The following PIP5K1C variants were observed in gnomAD, a reference collection of about 807,000 sequenced individuals.
PIP5K1C encodes the protein phosphatidylinositol-4-phosphate 5-kinase type 1 gamma, also known as phosphatidylinositol 4-phosphate 5-kinase type-1 gamma.
In PIP5K1C, 45 loss-of-function variants were observed where a neutral mutation model predicts 80.1. The ratio of observed to expected loss-of-function variants is 0.56; its 90% CI spans 0.44 to 0.72. The LOEUF is 0.72. Ranked by LOEUF, PIP5K1C falls within the 30% of genes least tolerant of loss-of-function variation. The pLI, the probability that PIP5K1C is intolerant of heterozygous loss-of-function variation, is 0.00. For synonymous variants in PIP5K1C, 498 were observed against 420.1 expected (o/e 1.19, Z -2.27); for missense variants, 753 against 954.6 (o/e 0.79, Z 2.78).
Position 3,638,608 on chromosome 19 carries a change from C to T in PIP5K1C, c.1920+276G>A, listed in dbSNP as rs554215990. ...GTGGGCACAAGGCCGGGGAAGGGGA[C>T]AGGGGTGGCTCTGGGGCCTCAGAAA... is the stretch of plus-strand genomic sequence containing the variant. On this transcript the variant is annotated intron_variant, in intron 16 of 17. Coordinates refer to ENST00000335312, the MANE Select transcript of PIP5K1C (RefSeq NM_012398.3). Among the ~76,000 whole-genome samples, 5 of 152,302 alleles carry T rather than the reference C, an allele frequency of 3.3e-5. No individual in the cohort carries two copies. In the East Asian group the frequency reaches 9.7e-4, roughly 29 times the overall value.
chr19:3,700,086 T>C (rs561481149), intron 1 of PIP5K1C, among the ~76,000 whole-genome samples: 3 of 151,996 alleles, frequency 2.0e-5, no homozygotes, highest in East Asian at 3.9e-4. Context: ...CCGGGAGCGG[T>C]GGGAGGTAGC....
In PIP5K1C at chr19:3,641,791, G is replaced by A. The variant is rs148095258; in HGVS notation, c.1701C>T (p.Pro567=). Residue 567 remains proline (P), a synonymous_variant, in exon 15 of 18, where the codon CCC becomes CCT. Coordinates refer to ENST00000335312, the MANE Select transcript of PIP5K1C (RefSeq NM_012398.3). ...TAATCTGCTGCAGATCCTCTTCCGC[G>A]GGTGGCTCCTCCTGCGGCCTGCAGG... is the stretch of plus-strand genomic sequence containing the variant. The part of the protein sequence containing the change: ...GQDGRPQEEP[P]AEEDLQQITV... The A allele has an allele frequency of 8.7e-6, 14 of 1,611,682 alleles. No homozygotes were observed. Among genetic ancestry groups the A allele is most frequent in the African/African-American group, 8.0e-5 (6 of 74,898 alleles).
chr19:3,663,817 A>C (rs113949869), intron 3 of PIP5K1C, among the ~76,000 whole-genome samples: 12 of 152,296 alleles, frequency 7.9e-5, no homozygotes, highest in African/African-American at 2.9e-4. Context: ...ACAGTTTGCG[A>C]GTTTCTCAAA....
rs755561904 is a variant in PIP5K1C at position 3,688,668 on chromosome 19, C to T, written c.94+11629G>A. On this transcript the variant is annotated intron_variant, in intron 1 of 17. Transcript: ENST00000335312. This position sits in a 1 kb window ranked among gnomAD's most constrained non-coding sequence, Gnocchi z 5.3. ...TTCGTGTCCCTCAGGGCTAGAGACC[C>T]GGATGAGCCCCATGGAGAAACCCGT... is the stretch of plus-strand genomic sequence containing the variant. Among the ~76,000 whole-genome samples the T allele has an allele frequency of 6.6e-4, 101 of 152,206 alleles. No homozygotes were observed. The highest frequency in any genetic ancestry group is 3.4e-3 in the Middle Eastern group (1 of 294).
At position 3,653,455 on chromosome 19, in the gene PIP5K1C, G is replaced by A. The variant is rs1326102430; in HGVS notation, c.756C>T (p.Phe252=). 18 of 1,613,680 alleles carry A rather than the reference G, an allele frequency of 1.1e-5. No homozygotes were observed. The highest frequency in any genetic ancestry group is 8.3e-5 in the Admixed American group (5 of 60,012). Reference sequence around the variant, plus strand: ...GCTTGTAGGTGGAGCCCTTGAGGTCGAACTTGAGGTGCATCTTGACCACGC... The same window carrying A: ...GCTTGTAGGTGGAGCCCTTGAGGTCAAACTTGAGGTGCATCTTGACCACGC... ...LPRVVKMHLK[F]DLKGSTYKRR... The change falls in exon 7 of 18, where the codon TTC becomes TTT. Residue 252 remains phenylalanine, a synonymous_variant. Coordinates refer to ENST00000335312, the MANE Select transcript of PIP5K1C (RefSeq NM_012398.3).
intron 1 of PIP5K1C, among the ~76,000 whole-genome samples, chr19:3,691,676 C>G (rs1355320589): frequency 6.6e-6 from 1 of 152,242 alleles, no homozygotes; most frequent in Non-Finnish European, 1.5e-5. Context: ...CTCCTGCTCT[C>G]TTGGCCTCAC....
At chr19:3,643,174 T>C (rs2034049939) in intron 13 of PIP5K1C, 69 bp downstream of exon 13, 13 of 1,601,440 alleles carry the variant, frequency 8.1e-6, no homozygotes, top group East Asian at 6.7e-5. Context: ...CCCGCCCACA[T>C]GCAGTGAATG....
intron 1 of PIP5K1C, among the ~76,000 whole-genome samples, chr19:3,675,963 A>G (rs2035344099): frequency 1.3e-5 from 2 of 152,184 alleles, no homozygotes; most frequent in African/African-American, 4.8e-5. Flanking sequence ...CTTGGGTGAG[A>G]TGTTCAACAC....
intron 1 of PIP5K1C, chr19:3,672,733 C>G (rs938466707): frequency 6.6e-6 from 1 of 152,520 alleles, no homozygotes; most frequent in Non-Finnish European, 1.5e-5. Context: ...GAGGGCCCAG[C>G]GAGGCAAGCT....
chr19:3,638,334 C>A (rs1447938852), intron 16 of PIP5K1C, among the ~76,000 whole-genome samples: 1 of 152,160 alleles, frequency 6.6e-6, no homozygotes, highest in Non-Finnish European at 1.5e-5. Context: ...GTAGCAGCCA[C>A]GAGTCCCCAG....
chr19:3,668,928 C>T (rs547210953), intron 1 of PIP5K1C, among the ~76,000 whole-genome samples: 1 of 152,308 alleles, frequency 6.6e-6, no homozygotes, highest in African/African-American at 2.4e-5. Context: ...GCAGCGTCCT[C>T]CAGGCTCATG....
intron 1 of PIP5K1C, among the ~76,000 whole-genome samples, chr19:3,689,787 ACACT>A (rs779379310): frequency 5.3e-4 from 80 of 152,244 alleles, no homozygotes; most frequent in East Asian, 3.5e-3. Context: ...TAACACACAC[ACACT>A]AACTCACATG....
chr19:3,678,956 G>A (rs1198165975), intron 1 of PIP5K1C, among the ~76,000 whole-genome samples: 1 of 137,112 alleles, frequency 7.3e-6, no homozygotes, highest in Non-Finnish European at 1.6e-5. Context: ...AGAATGGAGG[G>A]ATGGAGGATG....
chr19:3,641,311 G>A (rs907086435), intron 15 of PIP5K1C, among the ~76,000 whole-genome samples: 1 of 152,182 alleles, frequency 6.6e-6, no homozygotes, highest in African/African-American at 2.4e-5. Flanking sequence ...GAAGTTCAGA[G>A]ATGCTCTTAC....
At chr19:3,699,343 G>A (rs1179975918) in intron 1 of PIP5K1C, among the ~76,000 whole-genome samples, 1 of 138,234 alleles carries the variant, frequency 7.2e-6, no homozygotes, top group Non-Finnish European at 1.6e-5. Context: ...GGGGTGGGGG[G>A]GGGACTTGAT....
At chr19:3,683,476 G>T (rs1241246199) in intron 1 of PIP5K1C, among the ~76,000 whole-genome samples, 1 of 152,224 alleles carries the variant, frequency 6.6e-6, no homozygotes, top group Non-Finnish European at 1.5e-5. Flanking sequence ...CCTTCGCCGT[G>T]TGTGTGGCGG....
At chr19:3,676,842 G>A (rs1470967377) in intron 1 of PIP5K1C, among the ~76,000 whole-genome samples, 1 of 152,232 alleles carries the variant, frequency 6.6e-6, no homozygotes, top group Admixed American at 6.5e-5. Flanking sequence ...ACCAGGCGAG[G>A]TGGCTCTAGC....
Position 3,642,958 on chromosome 19 carries a change from C to G in PIP5K1C, c.1650-19G>C. ...GCGCCGCCTGCAGAGATACAGCAAA[C>G]ACGTGACACCCAGAAAGAGAGTGGC... On this transcript the variant is annotated intron_variant, in intron 13 of 17. Transcript: ENST00000335312. 2.5e-6 allele frequency: 4 copies of G among 1,613,416 alleles called. No individual in the cohort carries two copies. Among genetic ancestry groups the G allele is most frequent in the African/African-American group, 1.3e-5 (1 of 74,994 alleles).
chr19:3,700,386 T>C lies in PIP5K1C; in HGVS notation c.5A>G (p.Glu2Gly). 8.6e-7 allele frequency: 1 copy of C among 1,159,474 alleles called. No individual in the cohort carries two copies. Among genetic ancestry groups the C allele is most frequent in the East Asian group, 5.5e-5 (1 of 18,156 alleles). 71.8% of individuals were successfully genotyped at this position (1,159,474 alleles called of 1,614,324 possible). A position where few individuals can be genotyped will look rare whatever the true frequency, so the allele number is the denominator to read the frequency against. Reference sequence around the variant, plus strand: ...CTCCGCCTCGTCCGGTACCTCCAGCTCCATGGCCGCGCGCGGACGGCGGCG... The same window carrying C: ...CTCCGCCTCGTCCGGTACCTCCAGCCCCATGGCCGCGCGCGGACGGCGGCG... M[E>G]LEVPDEAESA... is the part of the protein sequence containing the mutation. The change falls in exon 1 of 18, where the codon GAG (glutamate) becomes GGG (glycine). Residue 2 changes from glutamate to glycine, a missense_variant. Physicochemically the swap from Glu to Gly is moderately conservative, Grantham distance 98. Coordinates refer to ENST00000335312, the MANE Select transcript of PIP5K1C (RefSeq NM_012398.3).
Sources: gnomAD v4.1 joint callset for allele counts (sites outside exome capture counted in the v4.1 genomes callset) on GRCh38, gnomAD v4.1.1 for gene constraint, Gnocchi (gnomAD v3.1) non-coding constraint, MANE v1.5 for transcripts, NCBI Gene and HGNC (gene_info 2026-07-23, HGNC 2026-07-21) for gene names.